PROS1: variants seen among roughly 807,000 people sequenced by gnomAD.
PROS1 encodes the protein vitamin K-dependent protein S.
A neutral mutation model predicts 75.9 loss-of-function variants in PROS1; 29 were observed. That is an observed-to-expected ratio of 0.38 (90% CI 0.28 to 0.52). PROS1 has a LOEUF of 0.52. Ranked by LOEUF, PROS1 falls within the 20% of genes least tolerant of loss-of-function variation. The pLI, the probability that PROS1 is intolerant of heterozygous loss-of-function variation, is 0.83. For missense variants in PROS1, 680 were observed against 810.3 expected (o/e 0.84, Z 1.95); for synonymous variants, 245 against 280.6 (o/e 0.87, Z 1.27).
chr3:93,911,593 G>C (rs562954763), intron 3 of PROS1, among the ~76,000 whole-genome samples: 1 of 152,294 alleles, frequency 6.6e-6, no homozygotes, highest in African/African-American at 2.4e-5. Context: ...GAGTCAACCA[G>C]GATGGCTGGG....
intron 1 of PROS1, among the ~76,000 whole-genome samples, chr3:93,969,370 G>T (rs573077941): frequency 6.6e-6 from 1 of 152,272 alleles, no homozygotes; most frequent in African/African-American, 2.4e-5. Flanking sequence ...ATGGAAAGAA[G>T]GGCAAGTGTA....
chr3:93,885,459 C>T (rs754181474), intron 11 of PROS1, among the ~76,000 whole-genome samples: 25 of 152,154 alleles, frequency 1.6e-4, no homozygotes, highest in Non-Finnish European at 2.2e-4. Flanking sequence ...CTCCTGACCT[C>T]AGGTGATCCA....
chr3:93,955,699 C>T (rs1168731759), intron 1 of PROS1, among the ~76,000 whole-genome samples: 2 of 149,838 alleles, frequency 1.3e-5, no homozygotes, highest in African/African-American at 5.0e-5. Flanking sequence ...ACGTTGTGTA[C>T]ATGTACCCTA....
intron 1 of PROS1, among the ~76,000 whole-genome samples, chr3:93,932,724 T>C (rs1433641765): frequency 6.6e-6 from 1 of 152,198 alleles, no homozygotes; most frequent in Non-Finnish European, 1.5e-5. Context: ...GTAAATTTGA[T>C]TGACTTACCT....
At chr3:93,926,061 T>C (rs1256475524) in intron 2 of PROS1, among the ~76,000 whole-genome samples, 1 of 152,014 alleles carries the variant, frequency 6.6e-6, no homozygotes, top group Non-Finnish European at 1.5e-5. Flanking sequence ...GTGTTAGAAA[T>C]ACACACTCAA....
chr3:93,884,664 C>T, intron 12 of PROS1, 64 bp downstream of exon 12: 1 of 1,477,064 alleles, frequency 6.8e-7, no homozygotes, highest in Non-Finnish European at 9.4e-7. Context: ...TAAATTATTA[C>T]TGTTTGTTAA....
At chr3:93,927,448 C>A in intron 1 of PROS1, 41 bp from the exon 2 acceptor site, 1 of 1,586,992 alleles carries the variant, frequency 6.3e-7, no homozygotes, top group East Asian at 2.3e-5. Context: ...ATCATTTTTC[C>A]ATGTAAAATA....
At chr3:93,940,242 G>A (rs889431479) in intron 1 of PROS1, among the ~76,000 whole-genome samples, 9 of 152,134 alleles carry the variant, frequency 5.9e-5, no homozygotes, top group South Asian at 2.1e-4. Context: ...TCGGATTGAC[G>A]CCTTCCCAGA....
intron 4 of PROS1, among the ~76,000 whole-genome samples, chr3:93,906,988 C>T (rs562019486): frequency 2.2e-4 from 33 of 152,170 alleles, no homozygotes; most frequent in Non-Finnish European, 3.5e-4. Flanking sequence ...CCTGCAGGCA[C>T]CCCCTTGGCA....
intron 3 of PROS1, among the ~76,000 whole-genome samples, chr3:93,920,889 A>G (rs1260800575): frequency 1.3e-5 from 2 of 152,072 alleles, no homozygotes; most frequent in Admixed American, 1.3e-4. Context: ...TGCATTATTA[A>G]TCCTGAACTG....
At chr3:93,883,397 T>G (rs1708300413) in intron 12 of PROS1, among the ~76,000 whole-genome samples, 1 of 151,866 alleles carries the variant, frequency 6.6e-6, no homozygotes, top group South Asian at 2.1e-4. Context: ...GTCAGGAGTT[T>G]GAAACCAGCC....
intron 1 of PROS1, among the ~76,000 whole-genome samples, chr3:93,948,217 G>T (rs1709436268): frequency 6.6e-6 from 1 of 151,170 alleles, no homozygotes; most frequent in Admixed American, 6.6e-5. Flanking sequence ...AGACACAGAA[G>T]AAAACATTTT....
intron 3 of PROS1, among the ~76,000 whole-genome samples, chr3:93,914,411 C>A (rs2107183546): frequency 6.6e-6 from 1 of 152,280 alleles, no homozygotes; most frequent in South Asian, 2.1e-4. Flanking sequence ...ATGTACATTC[C>A]AGAGTGGTGG....
chr3:93,948,128 G>A (rs551621675), intron 1 of PROS1, among the ~76,000 whole-genome samples: 1 of 152,124 alleles, frequency 6.6e-6, no homozygotes, highest in African/African-American at 2.4e-5. Flanking sequence ...AACAATCAAA[G>A]ATCGCCAGAT....
In PROS1 at chr3:93,896,707, C is replaced by T; in HGVS notation, c.850-16G>A. On this transcript the variant is annotated splice_polypyrimidine_tract_variant and intron_variant, in intron 8 of 14. Coordinates refer to ENST00000394236, the MANE Select transcript of PROS1 (RefSeq NM_000313.4). ...CTGAAACAACCTGGAATAAAAGAAA[C>T]CAAATAAACAACAAGAAAATCAAAA... 6.4e-7 allele frequency: 1 copy of T among 1,558,564 alleles called. No individual in the cohort carries two copies. Among genetic ancestry groups the T allele is most frequent in the East Asian group, 2.2e-5 (1 of 44,546 alleles).
intron 1 of PROS1, among the ~76,000 whole-genome samples, chr3:93,969,633 A>C (rs372854514): frequency 6.6e-6 from 1 of 152,172 alleles, no homozygotes; most frequent in East Asian, 1.9e-4. Context: ...GTACTGTCAC[A>C]TGAGTTCCCA....
intron 8 of PROS1, 145 bp from the exon 9 acceptor site, chr3:93,896,836 T>A (rs1055523079): frequency 6.2e-6 from 4 of 642,024 alleles, no homozygotes. Context: ...TTTTTGGTAA[T>A]AATAAATACA....
chr3:93,887,665 TC>T (rs1268807253), intron 10 of PROS1, among the ~76,000 whole-genome samples: 1 of 152,222 alleles, frequency 6.6e-6, no homozygotes, highest in Non-Finnish European at 1.5e-5. Context: ...AACTATTCTC[TC>T]CTTTACAGAC....
At chr3:93,879,375 T>A (rs1559928170) in intron 12 of PROS1, 61 bp from the exon 13 acceptor site, 1 of 1,560,596 alleles carries the variant, frequency 6.4e-7, no homozygotes, top group East Asian at 2.2e-5. Context: ...TCAGAAGGAA[T>A]TATTATTAAC....
Sources: allele counts gnomAD v4.1 joint callset (sites outside exome capture counted in the v4.1 genomes callset), GRCh38; gene constraint gnomAD v4.1.1; transcripts MANE v1.5; gene names NCBI Gene and HGNC (gene_info 2026-07-23, HGNC 2026-07-21).